AFF2: variants seen among roughly 807,000 people sequenced by gnomAD.
AFF2 encodes ALF transcription elongation factor 2.
A neutral mutation model predicts 76.9 loss-of-function variants in AFF2; 14 were observed. That is an observed-to-expected ratio of 0.18 (90% CI 0.12 to 0.28). AFF2 has a LOEUF of 0.28. Among genes scored for constraint, AFF2 ranks in the 10% least tolerant of loss-of-function variants. The probability of loss-of-function intolerance (pLI) is 1.00; values close to 1 mark genes in which losing one functional copy is unlikely to be tolerated. For synonymous variants in AFF2, 398 were observed against 366.7 expected, an observed-to-expected ratio of 1.09 and a Z score of -0.98; for missense variants, 868 against 1,001.1, an observed-to-expected ratio of 0.87 and a Z score of 1.79.
chrX:148,820,689 TTTC>T (rs1288727061), intron 4 of AFF2, among the ~76,000 whole-genome samples: 1 of 111,742 alleles, frequency 8.9e-6, no homozygotes, highest in Non-Finnish European at 1.9e-5. Context: ...TATGGGTGAG[TTTC>T]TTCTTTTTTA....
At chrX:148,739,170 G>A (rs1444126158) in intron 3 of AFF2, among the ~76,000 whole-genome samples, 2 of 111,590 alleles carry the variant, frequency 1.8e-5, no homozygotes, top group African/African-American at 6.5e-5. Context: ...TTGTTTCTTT[G>A]TTGACTTTCT....
chrX:148,846,822 G>C (rs2070673478), intron 7 of AFF2, among the ~76,000 whole-genome samples: 1 of 112,210 alleles, frequency 8.9e-6, no homozygotes, highest in Non-Finnish European at 1.9e-5. Flanking sequence ...GTCTCAAAGA[G>C]ATCTTTTTAT....
intron 18 of AFF2, among the ~76,000 whole-genome samples, chrX:148,979,637 A>G (rs1246455810): frequency 8.9e-6 from 1 of 111,978 alleles, no homozygotes; most frequent in African/African-American, 3.3e-5. Context: ...TCTTGTGATC[A>G]CACTTTGAGA....
At chrX:148,709,599 G>C (rs2124526844) in intron 3 of AFF2, among the ~76,000 whole-genome samples, 1 of 112,273 alleles carries the variant, frequency 8.9e-6, no homozygotes, top group Non-Finnish European at 1.9e-5. Context: ...ATATTACGGT[G>C]TAAAGTACAT....
intron 2 of AFF2, among the ~76,000 whole-genome samples, chrX:148,657,783 A>G (rs781965472): frequency 8.9e-6 from 1 of 112,487 alleles, no homozygotes; most frequent in Non-Finnish European, 1.9e-5. Flanking sequence ...TGAAAGAAGC[A>G]TATAATTGAT....
At chrX:148,744,329 T>A (rs2055396289) in intron 3 of AFF2, among the ~76,000 whole-genome samples, 2 of 111,759 alleles carry the variant, frequency 1.8e-5, no homozygotes, top group Middle Eastern at 4.6e-3. Context: ...TGTAATAAAA[T>A]TGTATTATTT....
intron 10 of AFF2, among the ~76,000 whole-genome samples, chrX:148,955,184 T>C (rs188722394): frequency 5.1e-4 from 57 of 112,375 alleles, no homozygotes; most frequent in African/African-American, 1.8e-3. Flanking sequence ...TGAGGTGTGC[T>C]TACGTTCCTT....
At chrX:148,983,261 T>A (rs1170459014) in intron 19 of AFF2, among the ~76,000 whole-genome samples, 1 of 112,016 alleles carries the variant, frequency 8.9e-6, no homozygotes, top group Non-Finnish European at 1.9e-5. Flanking sequence ...GGCAGGACTT[T>A]GAGGTGACAT....
intron 3 of AFF2, among the ~76,000 whole-genome samples, chrX:148,692,538 T>G (rs2054664640): frequency 8.9e-6 from 1 of 112,302 alleles, no homozygotes; most frequent in Admixed American, 9.4e-5. Flanking sequence ...GTTAGGGAGA[T>G]AAACTAGATT....
At chrX:148,983,951 G>GAAAAAAAAAAAAAAAAAAAAAAAA (rs1569558020) in intron 19 of AFF2, among the ~76,000 whole-genome samples, 1 of 2,851 alleles carries the variant, frequency 3.5e-4, no homozygotes, top group Non-Finnish European at 0.013. Context: ...GAGTGAAATA[G>GAAAAAAAAAAAAAAAAAAAAAAAA]ACAAAAAAAA....
chrX:148,962,711 A>G lies in AFF2; in HGVS notation c.2691-4A>G, dbSNP rs1557288173. The G allele has an allele frequency of 8.3e-7, 1 of 1,198,362 alleles. No individual in the cohort carries two copies. The highest frequency in any genetic ancestry group is 1.1e-6 in the Non-Finnish European group (1 of 883,909). On this transcript the variant is annotated splice_polypyrimidine_tract_variant and splice_region_variant and intron_variant, in intron 12 of 20. Transcript: ENST00000370460. ...TGACACCCTACACTTCTTGTTTTTC[A>G]CAGAAATAATTCATCCAGGAGAGCA...
intron 1 of AFF2, among the ~76,000 whole-genome samples, chrX:148,621,477 T>G (rs2053867531): frequency 9.0e-6 from 1 of 111,082 alleles, no homozygotes; most frequent in Admixed American, 9.6e-5. Flanking sequence ...AGTGATACAT[T>G]TTAATCAAGT....
chrX:148,962,693 C>G, intron 12 of AFF2, 22 bp from the exon 13 acceptor site: 1 of 1,163,335 alleles, frequency 8.6e-7, no homozygotes, highest in Non-Finnish European at 1.2e-6. Context: ...TTATGACACC[C>G]TACACTTCTT....
In AFF2 at chrX:148,566,681, C is replaced by T. The variant is rs1451254981; in HGVS notation, c.47+65537C>T. ...ACCAGATGAGCCATCAAGGGGTGTG[C>T]AAGGTCTCTATCCTTAAGAATCTCC... On this transcript the variant is annotated intron_variant, in intron 1 of 20. Coordinates refer to ENST00000370460, the MANE Select transcript of AFF2 (RefSeq NM_002025.4). Among the ~76,000 whole-genome samples the T allele has an allele frequency of 2.7e-5, 3 of 110,847 alleles. No homozygotes were observed. The South Asian group carries it at 1.1e-3, about 42-fold the overall frequency.
intron 3 of AFF2, among the ~76,000 whole-genome samples, chrX:148,698,619 A>G (rs1479263418): frequency 8.9e-6 from 1 of 112,307 alleles, no homozygotes; most frequent in African/African-American, 3.2e-5. Flanking sequence ...AGAGTTTCCA[A>G]TTATATGGTT....
chrX:148,962,801 G>A lies in AFF2; in HGVS notation c.2777G>A (p.Arg926His), dbSNP rs782499369. The A allele has an allele frequency of 5.8e-6, 7 of 1,210,612 alleles. No individual in the cohort carries two copies. Among genetic ancestry groups the A allele is most frequent in the Admixed American group, 2.2e-5 (1 of 45,991 alleles). Reference sequence around the variant, plus strand: ...TCCCCACTGCCAGAGGACCCTCCACGCCGCAGAAATGTCAGTGGCAATAAT... The same window carrying A: ...TCCCCACTGCCAGAGGACCCTCCACACCGCAGAAATGTCAGTGGCAATAAT... ...PLSPLPEDPPRRRNVSGNNGP... is the reference protein window; with the variant it reads ...PLSPLPEDPPHRRNVSGNNGP... Residue 926 changes from arginine (R) to histidine (H), a missense_variant, in exon 13 of 21, where the codon CGC (arginine) becomes CAC (histidine). Arg to His is a conservative substitution (Grantham distance 29, BLOSUM62 0). Around this residue, in one of 6 missense-constraint regions of AFF2, gnomAD observed 532 missense variants for 564.2 expected, o/e 0.94. Coordinates refer to ENST00000370460, the MANE Select transcript of AFF2 (RefSeq NM_002025.4).
At chrX:148,505,742 GA>G (rs1380780379) in intron 1 of AFF2, among the ~76,000 whole-genome samples, 1 of 111,955 alleles carries the variant, frequency 8.9e-6, no homozygotes, top group African/African-American at 3.2e-5. Flanking sequence ...CCTCAAAGCG[GA>G]AAACTGCCAT....
intron 3 of AFF2, among the ~76,000 whole-genome samples, chrX:148,767,225 A>G (rs1405441556): frequency 2.7e-5 from 3 of 111,060 alleles, no homozygotes; most frequent in Admixed American, 9.6e-5. Context: ...TATCATAAGA[A>G]GCTCCAGTTT....
chrX:148,887,002 T>G (rs1254641810), intron 8 of AFF2, among the ~76,000 whole-genome samples: 2 of 113,000 alleles, frequency 1.8e-5, no homozygotes, highest in African/African-American at 6.4e-5. Flanking sequence ...ACACTAGAAC[T>G]CCTACCATTC....
Sources: gnomAD v4.1 joint callset for allele counts (sites outside exome capture counted in the v4.1 genomes callset) on GRCh38, gnomAD v4.1.1 for gene constraint, gnomAD v4.1.1 regional missense constraint, MANE v1.5 for transcripts, NCBI Gene and HGNC (gene_info 2026-07-23, HGNC 2026-07-21) for gene names.